The following CAST variants were observed in gnomAD, a reference collection of about 807,000 sequenced individuals.
CAST encodes MIR583 host.
A neutral mutation model predicts 119.6 loss-of-function variants in CAST; 76 were observed. The observed-to-expected ratio is 0.64, with a 90% CI of 0.53 to 0.77. The LOEUF is 0.77. Among genes scored for constraint, CAST ranks in the 30% least tolerant of loss-of-function variants. CAST has a pLI of 0.00. For synonymous variants in CAST, 319 were observed against 331.6 expected (o/e 0.96, Z 0.41); for missense variants, 953 against 946.5 (o/e 1.01, Z -0.09).
At chr5:96,323,683 C>T in the CAST span, among the ~76,000 whole-genome samples, 1 of 152,050 alleles carries the variant, frequency 6.6e-6, no homozygotes, top group African/African-American at 2.4e-5. Context: ...CCCAAGTGTT[C>T]ATTTTTAGTT....
the CAST span, chr5:96,421,887 C>T: frequency 6.5e-6 from 10 of 1,529,026 alleles, no homozygotes; most frequent in East Asian, 2.3e-5. Flanking sequence ...CACTTGTTCT[C>T]GTTTGTGGGA....
At chr5:96,165,327 G>C in the CAST span, among the ~76,000 whole-genome samples, 3 of 152,070 alleles carry the variant, frequency 2.0e-5, no homozygotes, top group East Asian at 5.8e-4. Flanking sequence ...GTGTGCAGAG[G>C]GGTAGATAGA....
At chr5:96,666,257 A>AACACACAC (rs10529318) in intron 1 of CAST, among the ~76,000 whole-genome samples, 31,965 of 149,990 alleles carry the variant, frequency 0.21, 3,636 homozygotes, top group Admixed American at 0.3. Context: ...GGTTGTAGTA[A>AACACACAC]ACACACACAC....
chr5:96,201,358 C>T, the CAST span, among the ~76,000 whole-genome samples: 1 of 152,158 alleles, frequency 6.6e-6, no homozygotes, highest in East Asian at 1.9e-4. Flanking sequence ...TAGTACTCTC[C>T]AAAATAGTTA....
chr5:96,069,655 CTTTTTTTTTTTTTT>C, the CAST span, among the ~76,000 whole-genome samples: 1 of 78,376 alleles, frequency 1.3e-5, no homozygotes, highest in Non-Finnish European at 2.3e-5. Flanking sequence ...GGTAATTAAA[CTTTTTTTTTTTTTT>C]TTTTTTTTTT....
the CAST span, among the ~76,000 whole-genome samples, chr5:96,448,194 T>C: frequency 6.6e-6 from 1 of 152,162 alleles, no homozygotes; most frequent in Non-Finnish European, 1.5e-5. Context: ...CGTATTAACA[T>C]GTCTGGGGGC....
the CAST span, among the ~76,000 whole-genome samples, chr5:96,195,203 T>C: frequency 6.6e-6 from 1 of 152,200 alleles, no homozygotes; most frequent in African/African-American, 2.4e-5. Context: ...GAGATGTGAT[T>C]ACCCTCCTCC....
intron 1 of CAST, among the ~76,000 whole-genome samples, chr5:96,664,633 C>G (rs1749086596): frequency 6.6e-6 from 1 of 152,162 alleles, no homozygotes; most frequent in African/African-American, 2.4e-5. Flanking sequence ...AATAAGTCAA[C>G]CTTTTCAACC....
chr5:96,454,058 A>T, the CAST span, among the ~76,000 whole-genome samples: 1 of 151,988 alleles, frequency 6.6e-6, no homozygotes, highest in Non-Finnish European at 1.5e-5. Flanking sequence ...GTAGATAAAA[A>T]TTTTTTGTTT....
the CAST span, among the ~76,000 whole-genome samples, chr5:96,065,401 CTG>C: frequency 0.62 from 91,735 of 149,146 alleles, 28,078 homozygotes; most frequent in Non-Finnish European, 0.63. Context: ...GGTTAATGAT[CTG>C]TGTGTGTGTG....
chr5:96,705,093 G>C (rs898190822), intron 3 of CAST, among the ~76,000 whole-genome samples: 1 of 152,148 alleles, frequency 6.6e-6, no homozygotes, highest in African/African-American at 2.4e-5. Flanking sequence ...GCCAAGGAGG[G>C]AGGATCGCTT....
At chr5:96,449,595 G>A in the CAST span, among the ~76,000 whole-genome samples, 1 of 152,324 alleles carries the variant, frequency 6.6e-6, no homozygotes, top group East Asian at 1.9e-4. Flanking sequence ...AATTGACTAT[G>A]ATTGCTTTTT....
At chr5:96,052,321 C>G in the CAST span, among the ~76,000 whole-genome samples, 1 of 152,136 alleles carries the variant, frequency 6.6e-6, no homozygotes, top group Non-Finnish European at 1.5e-5. Context: ...GGTTTCTCTT[C>G]TAGTGTTGAA....
the CAST span, among the ~76,000 whole-genome samples, chr5:96,266,873 C>T: frequency 1.3e-5 from 2 of 152,120 alleles, no homozygotes; most frequent in Non-Finnish European, 2.9e-5. Context: ...AACTCTTTGA[C>T]CAAGAAAGCT....
chr5:96,263,602 TAGAGAGAG>T, the CAST span, among the ~76,000 whole-genome samples: 2 of 146,044 alleles, frequency 1.4e-5, no homozygotes, highest in East Asian at 2.0e-4. Flanking sequence ...GATAGCAAAT[TAGAGAGAG>T]AGAGAGAGAG....
At chr5:96,069,816 GT>G in the CAST span, among the ~76,000 whole-genome samples, 1 of 151,792 alleles carries the variant, frequency 6.6e-6, no homozygotes, top group South Asian at 2.1e-4. Flanking sequence ...ATCTTGATTT[GT>G]TTTAAGGATT....
At chr5:96,106,518 T>G in the CAST span, among the ~76,000 whole-genome samples, 5 of 151,860 alleles carry the variant, frequency 3.3e-5, no homozygotes, top group African/African-American at 1.2e-4. Context: ...TCAGTTTCCA[T>G]GTAGTTGAGC....
At chr5:96,691,653 T>G (rs1752741220) in intron 2 of CAST, among the ~76,000 whole-genome samples, 1 of 152,214 alleles carries the variant, frequency 6.6e-6, no homozygotes, top group African/African-American at 2.4e-5. Context: ...TGTAACTCAT[T>G]TAACCCTCAA....
chr5:96,561,034 G>A (rs1170980326), intron 1 of CAST, among the ~76,000 whole-genome samples: 1 of 152,140 alleles, frequency 6.6e-6, no homozygotes, highest in Non-Finnish European at 1.5e-5. Flanking sequence ...AAAAAAGGAT[G>A]AGTTCATGTC....
Sources: gnomAD v4.1 joint callset for allele counts (sites outside exome capture counted in the v4.1 genomes callset) on GRCh38, gnomAD v4.1.1 for gene constraint, MANE v1.5 for transcripts, NCBI Gene and HGNC (gene_info 2026-07-23, HGNC 2026-07-21) for gene names.